Variants in XXYLT1 observed in about 807,000 individuals in gnomAD.
The protein encoded by XXYLT1 is UDP-xylose:alpha-xyloside alpha-1,3-xylosyltransferase.
A neutral mutation model predicts 28.9 loss-of-function variants in XXYLT1; 20 were observed. The observed-to-expected ratio is 0.69, with a 90% CI of 0.49 to 1.00. The LOEUF is 1.00. Ranked by LOEUF, XXYLT1 falls within the 50% of genes least tolerant of loss-of-function variation. The pLI, the probability that XXYLT1 is intolerant of heterozygous loss-of-function variation, is 0.00. For synonymous variants in XXYLT1, 257 were observed against 253.8 expected, an observed-to-expected ratio of 1.01 and a Z score of -0.12; for missense variants, 542 against 560.1, an observed-to-expected ratio of 0.97 and a Z score of 0.33.
chr3:195,219,665 C>G (rs1036200586), intron 2 of XXYLT1, among the ~76,000 whole-genome samples: 1 of 152,210 alleles, frequency 6.6e-6, no homozygotes, highest in South Asian at 2.1e-4. Flanking sequence ...GAATCTTACA[C>G]CAGCCTTTGC....
chr3:195,224,071 G>T (rs1034794050), intron 2 of XXYLT1, among the ~76,000 whole-genome samples: 1 of 152,150 alleles, frequency 6.6e-6, no homozygotes, highest in Admixed American at 6.5e-5. Context: ...CAGGAGACTC[G>T]CTTGAACCCA....
chr3:195,216,261 C>T (rs1385336663), intron 2 of XXYLT1, among the ~76,000 whole-genome samples: 53 of 149,480 alleles, frequency 3.5e-4, no homozygotes, highest in South Asian at 1.7e-3. Flanking sequence ...ACTAGAAAAG[C>T]AAGAGCAAAC....
In XXYLT1 at chr3:195,069,714, C is replaced by T; in HGVS notation, c.*1G>A. 1 of 1,609,784 alleles carries T rather than the reference C, an allele frequency of 6.2e-7. No homozygotes were observed. Among genetic ancestry groups the T allele is most frequent in the Non-Finnish European group, 8.5e-7 (1 of 1,178,436 alleles). On this transcript the variant is annotated 3_prime_UTR_variant, in exon 4 of 4. Transcript: ENST00000310380. ...CCCCGGGGGCAAGGCACGGGGAGCG[C>T]CTAGTCCTCCGGGATGGGAGTGTTG...
At chr3:195,162,169 T>G (rs1276384851) in intron 2 of XXYLT1, among the ~76,000 whole-genome samples, 1 of 151,952 alleles carries the variant, frequency 6.6e-6, no homozygotes, top group African/African-American at 2.4e-5. Flanking sequence ...ATCACGCAGC[T>G]GGTCAGTGGT....
chr3:195,162,473 A>G (rs1475093068), intron 2 of XXYLT1, among the ~76,000 whole-genome samples: 1 of 152,228 alleles, frequency 6.6e-6, no homozygotes, highest in East Asian at 1.9e-4. Context: ...GTTGAAATGA[A>G]TAACCACAGC....
rs530124801 is a variant in XXYLT1 at position 195,185,721 on chromosome 3, G to GA, written c.653-29141dup. 1.4e-3 allele frequency among the ~76,000 whole-genome samples: 195 copies of GA among 144,386 alleles called. 1 individual carries two copies. The highest frequency in any genetic ancestry group is 5.5e-3 in the African/African-American group (189 of 34,128). The allele number at this position is 144,386 out of a possible 152,430, so 94.7% of individuals were successfully genotyped here. A position where few individuals can be genotyped will look rare whatever the true frequency, so the allele number is the denominator to read the frequency against. ...TCTGGGCGCTGAGGGACACAATGGGGACGGCATCTTCACTTTCTTCCTTCC... is the reference window on the plus strand; with the variant it reads ...TCTGGGCGCTGAGGGACACAATGGGGAACGGCATCTTCACTTTCTTCCTTCC... On this transcript the variant is annotated intron_variant, in intron 2 of 3. Coordinates refer to ENST00000310380, the MANE Select transcript of XXYLT1 (RefSeq NM_152531.5).
intron 1 of XXYLT1, among the ~76,000 whole-genome samples, chr3:195,267,285 G>C (rs1725875615): frequency 6.6e-6 from 1 of 152,210 alleles, no homozygotes; most frequent in African/African-American, 2.4e-5. Context: ...TCTTCAGACA[G>C]TTCTAACACC....
chr3:195,085,426 A>T (rs1271609206), intron 3 of XXYLT1, among the ~76,000 whole-genome samples: 1 of 152,200 alleles, frequency 6.6e-6, no homozygotes, highest in East Asian at 1.9e-4. Flanking sequence ...CCACTCTCCC[A>T]TCCCTGGTTC....
At chr3:195,268,290 G>A (rs1725904222) in intron 1 of XXYLT1, among the ~76,000 whole-genome samples, 1 of 152,050 alleles carries the variant, frequency 6.6e-6, no homozygotes, top group African/African-American at 2.4e-5. Flanking sequence ...AATTAGCCGG[G>A]CGTGGTGGCG....
In XXYLT1 at chr3:195,069,700, A is replaced by G. The variant is rs1243371121; in HGVS notation, c.*15T>C. 14 of 1,600,500 alleles carry G rather than the reference A, an allele frequency of 8.7e-6. No individual in the cohort carries two copies. Among genetic ancestry groups the G allele is most frequent in the South Asian group, 1.1e-5 (1 of 89,394 alleles). ...CCCAGATCTGGAGGCCCCGGGGGCAAGGCACGGGGAGCGCCTAGTCCTCCG... is the reference window on the plus strand; with the variant it reads ...CCCAGATCTGGAGGCCCCGGGGGCAGGGCACGGGGAGCGCCTAGTCCTCCG... On this transcript the variant is annotated 3_prime_UTR_variant, in exon 4 of 4. Transcript: ENST00000310380.
intron 3 of XXYLT1, among the ~76,000 whole-genome samples, chr3:195,123,682 T>C (rs1458954595): frequency 6.6e-6 from 1 of 152,152 alleles, no homozygotes; most frequent in Admixed American, 6.5e-5. Flanking sequence ...TCCAAGGCAG[T>C]GCCACCACCA....
chr3:195,196,975 A>G (rs984380241), intron 2 of XXYLT1, among the ~76,000 whole-genome samples: 7 of 152,196 alleles, frequency 4.6e-5, no homozygotes, highest in African/African-American at 1.7e-4. Context: ...GGTGTTGTCA[A>G]TTACCTCACA....
chr3:195,186,623 C>A lies in XXYLT1; in HGVS notation c.653-30042G>T, dbSNP rs919737443. Among the ~76,000 whole-genome samples, 3 of 152,122 alleles carry A rather than the reference C, an allele frequency of 2.0e-5. No homozygotes were observed. In the South Asian group the frequency reaches 6.2e-4, roughly 32 times the overall value. On this transcript the variant is annotated intron_variant, in intron 2 of 3. Coordinates refer to ENST00000310380, the MANE Select transcript of XXYLT1 (RefSeq NM_152531.5). ...GAAGTCTTTAGTAACAATCCCCCCC[C>A]ACACACCCTGAATCCCCCACTCGGG... is the stretch of plus-strand genomic sequence containing the variant.
chr3:195,071,109 C>T (rs1174384794), intron 3 of XXYLT1, among the ~76,000 whole-genome samples: 2 of 152,142 alleles, frequency 1.3e-5, no homozygotes, highest in African/African-American at 2.4e-5. Context: ...AGGGGAGAGG[C>T]GTCCAAGCCC....
At position 195,129,290 on chromosome 3, in the gene XXYLT1, A is replaced by T. The variant is rs931848047; in HGVS notation, c.785+27159T>A. 6.6e-6 allele frequency among the ~76,000 whole-genome samples: 1 copy of T among 152,210 alleles called. No homozygotes were observed. Reference sequence around the variant, plus strand: ...ATTCCATACAATTCACCCATTTAACATGTACAATTCAGTGGATTTTAGTAT... The same window carrying T: ...ATTCCATACAATTCACCCATTTAACTTGTACAATTCAGTGGATTTTAGTAT... On this transcript the variant is annotated intron_variant, in intron 3 of 3. Coordinates refer to ENST00000310380, the MANE Select transcript of XXYLT1 (RefSeq NM_152531.5). The surrounding 1 kb of genome is among the most constrained non-coding windows in gnomAD (Gnocchi z 4.4).
intron 2 of XXYLT1, among the ~76,000 whole-genome samples, chr3:195,206,855 G>A (rs146340257): frequency 2.0e-5 from 3 of 152,228 alleles, no homozygotes; most frequent in South Asian, 2.1e-4. Context: ...GGGAGAAGGC[G>A]ATGGGTGGGA....
Position 195,121,183 on chromosome 3 carries a change from G to A in XXYLT1, c.785+35266C>T, listed in dbSNP as rs114132474. Among the ~76,000 whole-genome samples, 1,297 of 152,308 alleles carry A rather than the reference G, an allele frequency of 8.5e-3. 13 individuals carry two copies. The highest frequency in any genetic ancestry group is 0.029 in the African/African-American group (1,195 of 41,550). ...CCTGAGCTGCAGGAAGGCCTTGGCC[G>A]CCCAGCCATTGAGAGGTCTATCTTT... On this transcript the variant is annotated intron_variant, in intron 3 of 3. Coordinates refer to ENST00000310380, the MANE Select transcript of XXYLT1 (RefSeq NM_152531.5).
chr3:195,265,688 C>A (rs1725828492), intron 1 of XXYLT1, among the ~76,000 whole-genome samples: 1 of 152,170 alleles, frequency 6.6e-6, no homozygotes, highest in African/African-American at 2.4e-5. Context: ...GAGACTGGAC[C>A]CGAAACAATA....
chr3:195,115,697 G>C lies in XXYLT1; in HGVS notation c.785+40752C>G, dbSNP rs4677808. Among the ~76,000 whole-genome samples the C allele has an allele frequency of 0.83, 127,006 of 152,200 alleles. 53,432 individuals are homozygous for C. Among genetic ancestry groups the C allele is most frequent in the Admixed American group, 0.89 (13,557 of 15,294 alleles). Reference sequence around the variant, plus strand: ...CCTCGTCTGGCTCCGGCAGCACACCGTGTGCGCTCTCACCTTTGAGCTGAG... The same window carrying C: ...CCTCGTCTGGCTCCGGCAGCACACCCTGTGCGCTCTCACCTTTGAGCTGAG... On this transcript the variant is annotated intron_variant, in intron 3 of 3. Transcript: ENST00000310380. The surrounding 1 kb of genome is among the most constrained non-coding windows in gnomAD (Gnocchi z 4.2).
Sources: gnomAD v4.1 joint callset for allele counts (sites outside exome capture counted in the v4.1 genomes callset) on GRCh38, gnomAD v4.1.1 for gene constraint, Gnocchi (gnomAD v3.1) non-coding constraint, MANE v1.5 for transcripts, NCBI Gene and HGNC (gene_info 2026-07-23, HGNC 2026-07-21) for gene names.